Variants in SEPTIN3 observed in about 807,000 individuals in gnomAD.
SEPTIN3 encodes the protein neuronal-specific septin-3.
Under a neutral mutation model 45.1 loss-of-function variants are expected in SEPTIN3, and 15 were observed. The ratio of observed to expected loss-of-function variants is 0.33; its 90% confidence interval spans 0.22 to 0.51. The LOEUF is 0.51. Ranked by LOEUF, SEPTIN3 falls within the 20% of genes least tolerant of loss-of-function variation. The pLI is 0.97. For synonymous variants in SEPTIN3, 148 were observed against 164.8 expected, an observed-to-expected ratio of 0.90 and a Z score of 0.78; for missense variants, 289 against 457.2, an observed-to-expected ratio of 0.63 and a Z score of 3.35.
chr22:41,987,684 A>G lies in SEPTIN3; in HGVS notation c.1970A>G (p.Asn657Ser). The G allele has an allele frequency of 1.2e-6, 2 of 1,614,120 alleles. No individual in the cohort carries two copies. The highest frequency in any genetic ancestry group is 1.7e-6 in the Non-Finnish European group (2 of 1,179,960). Residue 657 changes from asparagine to serine, a missense_variant, in exon 6 of 12, where the codon AAC becomes AGC. This residue lies in a region of SEPTIN3 where 200 missense variants were observed against 315.1 expected (regional missense o/e 0.63). Coordinates refer to ENST00000644076, the MANE Select transcript of SEPTIN3 (RefSeq NM_001363845.2). Reference protein sequence around the residue: ...QYEKFLKEEVNIARKKRIPDT... With the variant: ...QYEKFLKEEVSIARKKRIPDT... Reference sequence around the variant, plus strand: ...GAGAAGTTCCTGAAGGAGGAGGTCAACATCGCCAGGAAGAAACGCATCCCT... The same window carrying G: ...GAGAAGTTCCTGAAGGAGGAGGTCAGCATCGCCAGGAAGAAACGCATCCCT...
Position 41,986,118 on chromosome 22 carries a change from G to T in SEPTIN3, c.1825+6G>T. On this transcript the variant is annotated splice_donor_region_variant and intron_variant, in intron 4 of 11. Coordinates refer to ENST00000644076, the MANE Select transcript of SEPTIN3 (RefSeq NM_001363845.2). ...GATCAAAGCTATCGGGCATGGTGAG[G>T]ACCAGGCAGGGACCCCTATGGGCTT... 6.2e-7 allele frequency: 1 copy of T among 1,612,008 alleles called. No homozygotes were observed. Among genetic ancestry groups the T allele is most frequent in the South Asian group, 1.1e-5 (1 of 90,896 alleles).
intron 3 of SEPTIN3, 191 bp from the exon 4 acceptor site, chr22:41,985,793 G>A: frequency 1.9e-6 from 1 of 525,402 alleles, no homozygotes; most frequent in Non-Finnish European, 3.3e-6. Context: ...TTTCCCCAAG[G>A]CCCTCTGCAG....
chr22:41,989,696 C>T lies in SEPTIN3; in HGVS notation c.2163+12C>T. 2 of 1,525,948 alleles carry T rather than the reference C, an allele frequency of 1.3e-6. No individual in the cohort carries two copies. Among genetic ancestry groups the T allele is most frequent in the Non-Finnish European group, 1.8e-6 (2 of 1,099,932 alleles). 94.5% of individuals were successfully genotyped at this position (1,525,948 alleles called of 1,614,324 possible). A position where few individuals can be genotyped will look rare whatever the true frequency, so the allele number is the denominator to read the frequency against. ...AATTCAAGCAAAGGGTGAGAAGGCC[C>T]CCTGTCTTCTTTTCCTGTTCCCATC... is the stretch of plus-strand genomic sequence containing the variant. On this transcript the variant is annotated intron_variant, in intron 7 of 11. Transcript: ENST00000644076.
At chr22:41,981,283 G>C (rs2078115849) in intron 2 of SEPTIN3, 1 of 202,284 alleles carries the variant, frequency 4.9e-6, no homozygotes, top group South Asian at 1.5e-4. Context: ...TAATGCATGT[G>C]ACAGCCTCCC....
chr22:41,994,481 T>C lies in SEPTIN3; in HGVS notation c.2411+140T>C. 3 of 1,515,918 alleles carry C rather than the reference T, an allele frequency of 2.0e-6. No homozygotes were observed. Among genetic ancestry groups the C allele is most frequent in the East Asian group, 2.3e-5 (1 of 44,232 alleles). 93.9% of individuals were successfully genotyped at this position (1,515,918 alleles called of 1,614,324 possible). On this transcript the variant is annotated intron_variant, in intron 10 of 11. Transcript: ENST00000644076. The surrounding 1 kb of genome is among the most constrained non-coding windows in gnomAD (Gnocchi z 4.2). ...CCCAGTTCCAGCTCCTGTTGCAAAA[T>C]GGAAGGTGCTGTAGAAGAATCCTTA...
chr22:41,991,500 C>A, intron 7 of SEPTIN3, 73 bp from the exon 8 acceptor site: 1 of 1,083,796 alleles, frequency 9.2e-7, no homozygotes, highest in Non-Finnish European at 1.4e-6. Context: ...TCAGCTCACG[C>A]ACACAGGTGC....
rs1168986715 is a variant in SEPTIN3, at chr22:41,987,343, C to A, written c.1907+56C>A. On this transcript the variant is annotated intron_variant, in intron 5 of 11. Transcript: ENST00000644076. ...AAAGACTCTGCTGGGAAGATACTTA[C>A]TATGGTGCAGATTCATTCACGTTGA... 8.9e-6 allele frequency: 13 copies of A among 1,466,312 alleles called. No individual in the cohort carries two copies. The Admixed American group carries it at 1.1e-4, about 12-fold the overall frequency. 90.8% of individuals were successfully genotyped at this position (1,466,312 alleles called of 1,614,324 possible).
chr22:41,989,606 C>T lies in SEPTIN3; in HGVS notation c.2085C>T (p.Ser695=). ...ATCTTGAGTTCATGAAACACCTCAG[C>T]AAGGTTGTGAACATCATCCCTGTCA... ...PLDLEFMKHL[S]KVVNIIPVIA... Residue 695 remains serine, a synonymous_variant, in exon 7 of 12, where the codon AGC becomes AGT. Transcript: ENST00000644076. 1 of 1,614,034 alleles carries T rather than the reference C, an allele frequency of 6.2e-7. No individual in the cohort carries two copies. Among genetic ancestry groups the T allele is most frequent in the East Asian group, 2.2e-5 (1 of 44,878 alleles).
At chr22:41,984,998 G>A (rs534899559) in intron 3 of SEPTIN3, among the ~76,000 whole-genome samples, 18 of 151,920 alleles carry the variant, frequency 1.2e-4, no homozygotes, top group South Asian at 2.1e-4. Context: ...GACTACAGGC[G>A]CCTGCCACCA....
At position 41,986,066 on chromosome 22, in the gene SEPTIN3, G is replaced by C. The variant is rs752353131; in HGVS notation, c.1779G>C (p.Arg593=). The change falls in exon 4 of 12, where the codon CGG becomes CGC. Residue 593 remains arginine, a synonymous_variant. Coordinates refer to ENST00000644076, the MANE Select transcript of SEPTIN3 (RefSeq NM_001363845.2). ...QVSRKASSWN[R]EEKIPKTVEI... ...GCCGCAAGGCCTCCAGCTGGAACCG[G>C]GAGGAGAAGATCCCCAAGACAGTGG... is the stretch of plus-strand genomic sequence containing the variant. 2 of 1,613,792 alleles carry C rather than the reference G, an allele frequency of 1.2e-6. No individual in the cohort carries two copies. Among genetic ancestry groups the C allele is most frequent in the Non-Finnish European group, 1.7e-6 (2 of 1,179,862 alleles).
intron 11 of SEPTIN3, chr22:41,995,042 T>G (rs2078406329): frequency 8.5e-7 from 1 of 1,177,394 alleles, no homozygotes; most frequent in Non-Finnish European, 1.1e-6. Flanking sequence ...ATCTGTCTCC[T>G]TTCCTTGTGT....
In SEPTIN3 at chr22:41,984,999, C is replaced by A. The variant is rs562564731; in HGVS notation, c.1697-985C>A. On this transcript the variant is annotated intron_variant, in intron 3 of 11. Transcript: ENST00000644076. ...TCCTGAGTAGCTGGGACTACAGGCG[C>A]CTGCCACCACGCCGGGCTAATTTTT... Among the ~76,000 whole-genome samples the A allele has an allele frequency of 3.9e-5, 6 of 152,118 alleles. No homozygotes were observed. The East Asian group carries it at 9.7e-4, about 25-fold the overall frequency.
chr22:41,975,106 T>C (rs1455645152), intron 2 of SEPTIN3, among the ~76,000 whole-genome samples: 3 of 152,224 alleles, frequency 2.0e-5, no homozygotes, highest in African/African-American at 7.2e-5. Flanking sequence ...CCCAGCCCTT[T>C]AATCCTGAAA....
chr22:41,977,281 G>A (rs1024326195), intron 2 of SEPTIN3, among the ~76,000 whole-genome samples: 25 of 151,940 alleles, frequency 1.6e-4, no homozygotes, highest in Non-Finnish European at 1.5e-5. Context: ...GGAGACGCAG[G>A]GACCCACGGA....
At position 41,972,126 on chromosome 22, in the gene SEPTIN3, T is replaced by C. The variant is rs1208985660; in HGVS notation, c.634T>C (p.Leu212=). 2 of 399,018 alleles carry C rather than the reference T, an allele frequency of 5.0e-6. No individual in the cohort carries two copies. Among genetic ancestry groups the C allele is most frequent in the Non-Finnish European group, 8.8e-6 (2 of 226,130 alleles). The allele number at this position is 399,018 out of a possible 1,614,324, so 24.7% of individuals were successfully genotyped here. ...SAPVLAEPGS[L]GQGHLVSVTD... ...ACCAGTCCTTGCAGAGCCAGGCTCG[T>C]TGGGCCAGGGGCACCTTGTCTCAGT... The change falls in exon 2 of 12, where the codon TTG becomes CTG. Residue 212 remains leucine (L), a synonymous_variant. Transcript: ENST00000644076.
In SEPTIN3 at chr22:41,994,491, T is replaced by C; in HGVS notation, c.2412-130T>C. Reference sequence around the variant, plus strand: ...GCTCCTGTTGCAAAATGGAAGGTGCTGTAGAAGAATCCTTAGCTCCTGGGA... The same window carrying C: ...GCTCCTGTTGCAAAATGGAAGGTGCCGTAGAAGAATCCTTAGCTCCTGGGA... On this transcript the variant is annotated intron_variant, in intron 10 of 11. Transcript: ENST00000644076. The surrounding 1 kb of genome is among the most constrained non-coding windows in gnomAD (Gnocchi z 4.2). 6.5e-7 allele frequency: 1 copy of C among 1,532,238 alleles called. No homozygotes were observed. Among genetic ancestry groups the C allele is most frequent in the Non-Finnish European group, 8.9e-7 (1 of 1,120,658 alleles). The allele number at this position is 1,532,238 out of a possible 1,614,324, so 94.9% of individuals were successfully genotyped here.
chr22:41,991,162 C>T (rs2078308889), intron 7 of SEPTIN3, among the ~76,000 whole-genome samples: 1 of 152,126 alleles, frequency 6.6e-6, no homozygotes, highest in South Asian at 2.1e-4. Context: ...TTAAGTCGAC[C>T]TTGAAAGAGG....
intron 7 of SEPTIN3, among the ~76,000 whole-genome samples, chr22:41,991,017 T>A (rs924225096): frequency 3.3e-5 from 5 of 152,120 alleles, no homozygotes; most frequent in Non-Finnish European, 5.9e-5. Context: ...TGAGCCAAGA[T>A]CGCACCACGG....
rs17002787 is a variant in SEPTIN3 at position 41,995,013 on chromosome 22, T to C, written c.2505+299T>C. ...CTGGAGAGTCCCTTGTAAGTTTGGC[T>C]CCTCCATGCCTGTCCATTATCTGTC... On this transcript the variant is annotated intron_variant, in intron 11 of 11. Coordinates refer to ENST00000644076, the MANE Select transcript of SEPTIN3 (RefSeq NM_001363845.2). 7.2e-5 allele frequency: 92 copies of C among 1,278,096 alleles called. No homozygotes were observed. The African/African-American group carries it at 1.2e-3, about 17-fold the overall frequency. The allele number at this position is 1,278,096 out of a possible 1,614,324, so 79.2% of individuals were successfully genotyped here.
Sources: allele counts gnomAD v4.1 joint callset (sites outside exome capture counted in the v4.1 genomes callset), GRCh38; gene constraint gnomAD v4.1.1; regional missense constraint gnomAD v4.1.1; non-coding constraint Gnocchi (gnomAD v3.1); transcripts MANE v1.5; gene names NCBI Gene and HGNC (gene_info 2026-07-23, HGNC 2026-07-21).